Variants in CDH8 observed in about 807,000 individuals in gnomAD.
The protein encoded by CDH8 is cadherin 8, also known as cadherin-8.
Under a neutral mutation model 68.1 loss-of-function variants are expected in CDH8, and 17 were observed. The observed-to-expected ratio is 0.25, with a 90% CI of 0.17 to 0.37. The LOEUF (loss-of-function observed/expected upper bound fraction) is 0.37. CDH8 is among the 10% of genes least tolerant of loss of function. The pLI, the probability that CDH8 is intolerant of heterozygous loss-of-function variation, is 1.00. For missense variants in CDH8, 763 were observed against 999.3 expected, an observed-to-expected ratio of 0.76 and a Z score of 3.19; for synonymous variants, 372 against 365.1, an observed-to-expected ratio of 1.02 and a Z score of -0.21.
chr16:61,996,433 A>G (rs574114895), intron 2 of CDH8, among the ~76,000 whole-genome samples: 2 of 152,310 alleles, frequency 1.3e-5, no homozygotes, highest in South Asian at 2.1e-4. Flanking sequence ...TTCCCTTCTT[A>G]AAAGAGCATT....
chr16:62,019,312 A>G (rs927308004), intron 2 of CDH8, among the ~76,000 whole-genome samples: 3 of 152,224 alleles, frequency 2.0e-5, no homozygotes, highest in East Asian at 1.9e-4. Flanking sequence ...ATAGTGGGTG[A>G]AATAATGGCC....
At chr16:61,955,963 A>G (rs1964981186) in intron 2 of CDH8, among the ~76,000 whole-genome samples, 1 of 152,252 alleles carries the variant, frequency 6.6e-6, no homozygotes, top group African/African-American at 2.4e-5. Context: ...ACAAACAGGT[A>G]GAACTGAGTT....
At position 61,921,958 on chromosome 16, in the gene CDH8, G is replaced by A. The variant is rs576968856; in HGVS notation, c.253-20485C>T. ...AGGCAGGAGAATTGCTTGAACCCAGGAGGCGAAGATTGCAGTGAGCAGAGA... is the reference window on the plus strand; with the variant it reads ...AGGCAGGAGAATTGCTTGAACCCAGAAGGCGAAGATTGCAGTGAGCAGAGA... On this transcript the variant is annotated intron_variant, in intron 2 of 11. Transcript: ENST00000577390. Among the ~76,000 whole-genome samples the A allele has an allele frequency of 2.6e-5, 4 of 152,238 alleles. No homozygotes were observed. The East Asian group carries it at 7.7e-4, about 29-fold the overall frequency.
intron 3 of CDH8, among the ~76,000 whole-genome samples, chr16:61,885,161 C>T (rs1016675194): frequency 1.3e-5 from 2 of 152,104 alleles, no homozygotes; most frequent in Admixed American, 6.5e-5. Flanking sequence ...GCAGACAAAA[C>T]ATATCTATGC....
chr16:61,684,308 A>C (rs534936022), intron 10 of CDH8, among the ~76,000 whole-genome samples: 1 of 152,116 alleles, frequency 6.6e-6, no homozygotes, highest in East Asian at 1.9e-4. Flanking sequence ...AAGTGAGTGT[A>C]AATTACTATG....
At chr16:61,921,190 C>T (rs1964360427) in intron 2 of CDH8, among the ~76,000 whole-genome samples, 4 of 149,792 alleles carry the variant, frequency 2.7e-5, no homozygotes, top group Admixed American at 2.7e-4. Flanking sequence ...ACCAGCATGG[C>T]ACATGTATAC....
chr16:62,008,212 C>T (rs906363871), intron 2 of CDH8, among the ~76,000 whole-genome samples: 6 of 152,098 alleles, frequency 3.9e-5, no homozygotes, highest in East Asian at 1.9e-4. Context: ...ACTGGGATTA[C>T]GGGTGTGAGC....
chr16:61,826,605 A>T (rs774942475), intron 4 of CDH8, among the ~76,000 whole-genome samples: 21 of 151,588 alleles, frequency 1.4e-4, no homozygotes, highest in Non-Finnish European at 2.7e-4. Context: ...ATTGAAGCTG[A>T]GCCATTGCCT....
At chr16:61,700,096 A>G (rs1317256209) in intron 10 of CDH8, among the ~76,000 whole-genome samples, 2 of 152,254 alleles carry the variant, frequency 1.3e-5, no homozygotes, top group African/African-American at 4.8e-5. Context: ...CATTAACAGT[A>G]TCTTACATTT....
chr16:61,650,706 T>TGTGTGAGAGAGAGAGAGAGAGA lies in CDH8; in HGVS notation c.*2901_*2902insTCTCTCTCTCTCTCTCTCACAC, dbSNP rs745949180. Reference sequence around the variant, plus strand: ...GTGTGTGTGTGTGTGTGTGTGTGTGTGAGAGAGAGAGAGAGAGAGAGAGAG... The same window carrying TGTGTGAGAGAGAGAGAGAGAGA: ...GTGTGTGTGTGTGTGTGTGTGTGTGTGTGTGAGAGAGAGAGAGAGAGAGAGAGAGAGAGAGAGAGAGAGAGAG... On this transcript the variant is annotated 3_prime_UTR_variant, in exon 12 of 12. Transcript: ENST00000577390. The TGTGTGAGAGAGAGAGAGAGAGA allele has an allele frequency of 8.6e-6, 1 of 116,596 alleles. No homozygotes were observed. The allele number at this position is 116,596 out of a possible 1,614,324, so 7.2% of individuals were successfully genotyped here. A position where few individuals can be genotyped will look rare whatever the true frequency, so the allele number is the denominator to read the frequency against.
intron 10 of CDH8, among the ~76,000 whole-genome samples, chr16:61,707,401 G>A (rs753312233): frequency 2.0e-5 from 3 of 152,138 alleles, no homozygotes; most frequent in South Asian, 2.1e-4. Context: ...CCCATAGATC[G>A]TAATCGGAAG....
intron 10 of CDH8, among the ~76,000 whole-genome samples, chr16:61,697,808 T>C (rs1964356196): frequency 1.3e-5 from 2 of 152,200 alleles, no homozygotes. Context: ...GGGAGTTTTT[T>C]TGTTTCCACT....
chr16:61,684,737 T>C (rs2142811670), intron 10 of CDH8, among the ~76,000 whole-genome samples: 1 of 152,078 alleles, frequency 6.6e-6, no homozygotes, highest in Non-Finnish European at 1.5e-5. Flanking sequence ...CTTGGCTGGG[T>C]TAAGCTAATG....
At chr16:61,935,634 C>T (rs947623108) in intron 2 of CDH8, among the ~76,000 whole-genome samples, 3 of 152,006 alleles carry the variant, frequency 2.0e-5, no homozygotes, top group African/African-American at 7.3e-5. Flanking sequence ...TGTGAGTTCA[C>T]TATTCATTTT....
rs71134381 is a variant in CDH8, at chr16:61,990,305, C to CT, written c.252+30846dup. Reference sequence around the variant, plus strand: ...TAGTAATAAGATTCTTGAAGAAGTCCTTTTTTTTTTTTTTTTTTTTTTTTT... The same window carrying CT: ...TAGTAATAAGATTCTTGAAGAAGTCCTTTTTTTTTTTTTTTTTTTTTTTTTT... On this transcript the variant is annotated intron_variant, in intron 2 of 11. Coordinates refer to ENST00000577390, the MANE Select transcript of CDH8 (RefSeq NM_001796.5). Among the ~76,000 whole-genome samples, 768 of 83,032 alleles carry CT rather than the reference C, an allele frequency of 9.2e-3. 47 individuals are homozygous for CT. The highest frequency in any genetic ancestry group is 0.011 in the Non-Finnish European group (467 of 42,258). The allele number at this position is 83,032 out of a possible 152,430, so 54.5% of individuals were successfully genotyped here.
Position 61,691,400 on chromosome 16 carries a change from C to T in CDH8, c.1654+22441G>A, listed in dbSNP as rs1370829446. ...CAGTTTGTTTTCTTGCATTAGAGTG[C>T]CACTAAATTTTTATTGCCTCCATCT... On this transcript the variant is annotated intron_variant, in intron 10 of 11. Coordinates refer to ENST00000577390, the MANE Select transcript of CDH8 (RefSeq NM_001796.5). 2.6e-5 allele frequency among the ~76,000 whole-genome samples: 4 copies of T among 151,418 alleles called. 1 individual carries two copies. The highest frequency in any genetic ancestry group is 2.6e-4 in the Admixed American group (4 of 15,168).
intron 8 of CDH8, among the ~76,000 whole-genome samples, chr16:61,765,772 C>T (rs1490455414): frequency 6.6e-6 from 1 of 151,684 alleles, no homozygotes; most frequent in Admixed American, 6.6e-5. Context: ...AGGCTGATTC[C>T]GTGGTAGAAG....
chr16:62,013,142 C>T (rs1461535526), intron 2 of CDH8, among the ~76,000 whole-genome samples: 2 of 82,874 alleles, frequency 2.4e-5, no homozygotes, highest in African/African-American at 8.5e-5. Flanking sequence ...GTAGTCCCAG[C>T]TACTGGGGAG....
At chr16:61,794,268 T>C (rs556286260) in intron 7 of CDH8, among the ~76,000 whole-genome samples, 8 of 152,010 alleles carry the variant, frequency 5.3e-5, no homozygotes, top group African/African-American at 1.9e-4. Flanking sequence ...AGGCCACTCA[T>C]ATACCCATAA....
Sources: allele counts gnomAD v4.1 joint callset (sites outside exome capture counted in the v4.1 genomes callset), GRCh38; gene constraint gnomAD v4.1.1; transcripts MANE v1.5; gene names NCBI Gene and HGNC (gene_info 2026-07-23, HGNC 2026-07-21).